Variants in CACNA2D3 observed in about 807,000 individuals in gnomAD.
CACNA2D3 encodes the protein voltage-dependent calcium channel subunit alpha-2/delta-3.
In CACNA2D3, 60 loss-of-function variants were observed where a neutral mutation model predicts 160.6. The ratio of observed to expected loss-of-function variants is 0.37; its 90% CI spans 0.30 to 0.46. The LOEUF (loss-of-function observed/expected upper bound fraction) is 0.46. Among genes scored for constraint, CACNA2D3 ranks in the 20% least tolerant of loss-of-function variants. CACNA2D3 has a pLI of 1.00. For synonymous variants in CACNA2D3, 558 were observed against 492.9 expected, an observed-to-expected ratio of 1.13 and a Z score of -1.75; for missense variants, 1,205 against 1,365.0, an observed-to-expected ratio of 0.88 and a Z score of 1.85.
At chr3:54,636,992 T>C (rs571190381) in intron 10 of CACNA2D3, among the ~76,000 whole-genome samples, 1 of 151,934 alleles carries the variant, frequency 6.6e-6, no homozygotes, top group South Asian at 2.1e-4. Context: ...AACAGACTAA[T>C]GGGTAGTAGA....
chr3:54,502,398 C>T (rs1021786548), intron 4 of CACNA2D3, among the ~76,000 whole-genome samples: 4 of 152,132 alleles, frequency 2.6e-5, no homozygotes, highest in Non-Finnish European at 5.9e-5. Flanking sequence ...TGGCTGTGTT[C>T]AGTCTACTAA....
intron 35 of CACNA2D3, among the ~76,000 whole-genome samples, chr3:55,055,195 T>C (rs146096468): frequency 6.6e-6 from 1 of 152,226 alleles, no homozygotes; most frequent in African/African-American, 2.4e-5. Flanking sequence ...GTATCTGGTG[T>C]TACATGTAAG....
intron 35 of CACNA2D3, among the ~76,000 whole-genome samples, chr3:55,046,275 C>T (rs1181682954): frequency 7.3e-6 from 1 of 136,378 alleles, no homozygotes; most frequent in African/African-American, 2.9e-5. Context: ...CCACAGTCCC[C>T]AGAGTGTGAT....
chr3:54,321,577 C>T (rs752465039), intron 3 of CACNA2D3, among the ~76,000 whole-genome samples: 1 of 152,144 alleles, frequency 6.6e-6, no homozygotes, highest in East Asian at 1.9e-4. Flanking sequence ...CTTGTATTAT[C>T]CTTGTAACAC....
intron 5 of CACNA2D3, among the ~76,000 whole-genome samples, chr3:54,542,411 C>A (rs1046881975): frequency 6.6e-6 from 1 of 152,056 alleles, no homozygotes; most frequent in Non-Finnish European, 1.5e-5. Flanking sequence ...AAAGTAAAGT[C>A]CCACAATGGA....
At chr3:54,676,510 C>T (rs1034438859) in intron 11 of CACNA2D3, among the ~76,000 whole-genome samples, 5 of 152,052 alleles carry the variant, frequency 3.3e-5, no homozygotes, top group Non-Finnish European at 5.9e-5. Flanking sequence ...GTGTGCTGGG[C>T]CCCTACCTGT....
chr3:54,900,213 G>A (rs961610114), intron 27 of CACNA2D3, among the ~76,000 whole-genome samples: 6 of 152,194 alleles, frequency 3.9e-5, no homozygotes, highest in Non-Finnish European at 8.8e-5. Flanking sequence ...TAGGATGACA[G>A]TGGGCATACA....
At chr3:54,378,953 TGATAACAGGTATCTCTTGTGGAAACA>T (rs1439365643) in intron 3 of CACNA2D3, among the ~76,000 whole-genome samples, 1 of 152,256 alleles carries the variant, frequency 6.6e-6, no homozygotes, top group East Asian at 1.9e-4. Flanking sequence ...AGCCTCAAAT[TGATAACAGGTATCTCTTGTGGAAACA>T]AAGATAATTT....
At chr3:54,201,435 C>G (rs1293774337) in intron 2 of CACNA2D3, among the ~76,000 whole-genome samples, 4 of 152,130 alleles carry the variant, frequency 2.6e-5, no homozygotes, top group Non-Finnish European at 5.9e-5. Context: ...AGCATTAACT[C>G]AAGAATTATT....
intron 4 of CACNA2D3, among the ~76,000 whole-genome samples, chr3:54,492,509 GGC>G (rs1457373091): frequency 6.6e-6 from 1 of 152,160 alleles, no homozygotes; most frequent in Non-Finnish European, 1.5e-5. Context: ...AGCTTTCCCT[GGC>G]CTCACCCGGC....
chr3:54,784,904 A>T (rs1202317185), intron 13 of CACNA2D3, among the ~76,000 whole-genome samples: 1 of 152,222 alleles, frequency 6.6e-6, no homozygotes, highest in African/African-American at 2.4e-5. Flanking sequence ...CCACATTTTC[A>T]CAAAGGCCTC....
intron 11 of CACNA2D3, among the ~76,000 whole-genome samples, chr3:54,715,510 G>A (rs908087274): frequency 6.6e-6 from 1 of 150,984 alleles, no homozygotes; most frequent in Admixed American, 6.6e-5. Flanking sequence ...CCCAGAATAT[G>A]GGGGGGGCAG....
At chr3:54,557,372 G>C (rs996856834) in intron 5 of CACNA2D3, among the ~76,000 whole-genome samples, 1 of 152,160 alleles carries the variant, frequency 6.6e-6, no homozygotes, top group Non-Finnish European at 1.5e-5. Context: ...TATTTCTGAA[G>C]ATGTTCACAG....
intron 27 of CACNA2D3, among the ~76,000 whole-genome samples, chr3:54,956,479 G>T (rs1371949562): frequency 6.6e-6 from 1 of 152,160 alleles, no homozygotes; most frequent in Non-Finnish European, 1.5e-5. Context: ...TTCCTAACTT[G>T]CATGGGCCAC....
Position 54,857,190 on chromosome 3 carries a change from G to A in CACNA2D3, c.1626+10723G>A, listed in dbSNP as rs578143127. 3.3e-5 allele frequency among the ~76,000 whole-genome samples: 5 copies of A among 152,318 alleles called. No homozygotes were observed. The South Asian group carries it at 1.0e-3, about 32-fold the overall frequency. On this transcript the variant is annotated intron_variant, in intron 17 of 37. Coordinates refer to ENST00000474759, the MANE Select transcript of CACNA2D3 (RefSeq NM_018398.3). The stretch of plus-strand genomic sequence containing the variant: ...TCTGAGGCATGGGGATGGTGAATAT[G>A]CTGGGTTCTGGAATCTGTTCATAGA...
At chr3:54,174,416 A>G (rs1405162109) in intron 2 of CACNA2D3, among the ~76,000 whole-genome samples, 2 of 152,190 alleles carry the variant, frequency 1.3e-5, no homozygotes, top group African/African-American at 2.4e-5. Context: ...TGATAACCAC[A>G]GTTGCTGAGA....
intron 35 of CACNA2D3, among the ~76,000 whole-genome samples, chr3:55,071,761 C>T (rs950405668): frequency 1.3e-5 from 2 of 152,124 alleles, no homozygotes; most frequent in African/African-American, 4.8e-5. Context: ...ATATTTTCTC[C>T]TTTGGATCTT....
intron 9 of CACNA2D3, among the ~76,000 whole-genome samples, chr3:54,615,574 G>A (rs1698832635): frequency 6.6e-6 from 1 of 152,198 alleles, no homozygotes; most frequent in Admixed American, 6.5e-5. Flanking sequence ...ATCTTAACAT[G>A]AATCCTCATT....
intron 27 of CACNA2D3, chr3:54,918,903 CA>C (rs1700750246): frequency 6.6e-7 from 1 of 1,515,616 alleles, no homozygotes; most frequent in African/African-American, 1.4e-5. Context: ...CTTTAAAAAA[CA>C]AAAGCAAAGA....
Sources: gnomAD v4.1 joint callset for allele counts (sites outside exome capture counted in the v4.1 genomes callset) on GRCh38, gnomAD v4.1.1 for gene constraint, MANE v1.5 for transcripts, NCBI Gene and HGNC (gene_info 2026-07-23, HGNC 2026-07-21) for gene names.